Variants in EBF1 observed in about 807,000 individuals in gnomAD.
EBF1 encodes transcription factor COE1.
Under a neutral mutation model 68.4 loss-of-function variants are expected in EBF1, and 10 were observed. The observed-to-expected ratio is 0.15, with a 90% CI of 0.09 to 0.25. EBF1 has a LOEUF of 0.25. Among genes scored for constraint, EBF1 ranks in the 10% least tolerant of loss-of-function variants. EBF1 has a pLI of 1.00. For synonymous variants in EBF1, 298 were observed against 299.8 expected, an observed-to-expected ratio of 0.99 and a Z score of 0.06; for missense variants, 509 against 794.4, an observed-to-expected ratio of 0.64 and a Z score of 4.32.
At chr5:158,968,087 T>C (rs538294337) in intron 6 of EBF1, among the ~76,000 whole-genome samples, 1 of 151,966 alleles carries the variant, frequency 6.6e-6, no homozygotes, top group South Asian at 2.1e-4. Context: ...CTACAAATAA[T>C]TGCAAAAAAA....
intron 6 of EBF1, among the ~76,000 whole-genome samples, chr5:159,047,526 G>A (rs1772665030): frequency 6.6e-6 from 1 of 152,126 alleles, no homozygotes; most frequent in African/African-American, 2.4e-5. Flanking sequence ...ACAGAGATGG[G>A]GGAGGGGCAA....
intron 1 of EBF1, among the ~76,000 whole-genome samples, 158 bp from the exon 2 acceptor site, chr5:159,097,288 C>T (rs1451214217): frequency 6.6e-6 from 1 of 152,274 alleles, no homozygotes; most frequent in East Asian, 1.9e-4. Flanking sequence ...ATAGACCCAG[C>T]TGACAACGGG....
At chr5:159,015,824 G>A (rs1036783252) in intron 6 of EBF1, among the ~76,000 whole-genome samples, 3 of 152,120 alleles carry the variant, frequency 2.0e-5, no homozygotes, top group African/African-American at 7.2e-5. Flanking sequence ...CACAAAGTCG[G>A]GTCCTAGACT....
intron 6 of EBF1, among the ~76,000 whole-genome samples, chr5:158,855,102 C>G (rs1233759344): frequency 6.6e-6 from 1 of 152,146 alleles, no homozygotes; most frequent in Non-Finnish European, 1.5e-5. Context: ...ATTTCCCCTG[C>G]AGCGAGTTAA....
chr5:158,998,894 G>A (rs894215179), intron 6 of EBF1, among the ~76,000 whole-genome samples: 5 of 152,034 alleles, frequency 3.3e-5, no homozygotes, highest in Non-Finnish European at 5.9e-5. Flanking sequence ...GCCGGATCGC[G>A]ATGTATATTA....
intron 8 of EBF1, among the ~76,000 whole-genome samples, chr5:158,810,452 C>T (rs1782443903): frequency 6.6e-6 from 1 of 152,146 alleles, no homozygotes; most frequent in African/African-American, 2.4e-5. Flanking sequence ...TCATATTCAA[C>T]ATTTGCACTA....
chr5:158,773,021 T>C (rs886566076), intron 10 of EBF1, among the ~76,000 whole-genome samples: 1 of 152,104 alleles, frequency 6.6e-6, no homozygotes, highest in African/African-American at 2.4e-5. Flanking sequence ...ATTCAATCTA[T>C]ATCCATCATC....
At chr5:158,785,321 T>C (rs1308786684) in intron 9 of EBF1, among the ~76,000 whole-genome samples, 1 of 152,206 alleles carries the variant, frequency 6.6e-6, no homozygotes, top group Non-Finnish European at 1.5e-5. Context: ...ATATATTATT[T>C]TCAGGGTTGC....
chr5:158,969,910 AAG>A (rs1755204793), intron 6 of EBF1, among the ~76,000 whole-genome samples: 2 of 107,308 alleles, frequency 1.9e-5, no homozygotes, highest in Non-Finnish European at 4.1e-5. Flanking sequence ...GAAAGAAAGA[AAG>A]AAAGAAAAAA....
At chr5:158,767,689 G>C (rs1773039297) in intron 10 of EBF1, among the ~76,000 whole-genome samples, 1 of 151,918 alleles carries the variant, frequency 6.6e-6, no homozygotes, top group Non-Finnish European at 1.5e-5. Context: ...AGAAAAGATA[G>C]AGTTAGGGTG....
rs908967312 is a variant in EBF1 at position 158,712,031 on chromosome 5, G to A, written c.1549+123C>T. 1.3e-5 allele frequency: 15 copies of A among 1,168,644 alleles called. No individual in the cohort carries two copies. In the African/African-American group the frequency reaches 1.7e-4, roughly 13 times the overall value. The allele number at this position is 1,168,644 out of a possible 1,614,324, so 72.4% of individuals were successfully genotyped here. On this transcript the variant is annotated intron_variant, in intron 14 of 15. Coordinates refer to ENST00000313708, the MANE Select transcript of EBF1 (RefSeq NM_024007.5). The stretch of plus-strand genomic sequence containing the variant: ...CTTTAGCACCATCACCCAGGGGAGT[G>A]CCTTACAGGAGGGAAAGATGGGGGG...
In EBF1 at chr5:158,997,895, T is replaced by C. The variant is rs201019200; in HGVS notation, c.554+75501A>G. Among the ~76,000 whole-genome samples, 6 of 152,292 alleles carry C rather than the reference T, an allele frequency of 3.9e-5. No homozygotes were observed. In the East Asian group the frequency reaches 1.2e-3, roughly 29 times the overall value. On this transcript the variant is annotated intron_variant, in intron 6 of 15. Transcript: ENST00000313708. ...TTGCATTCAACAGGAATTTACCAGA[T>C]ACCCACTATGTGCCCCCTCAAGGAA... is the stretch of plus-strand genomic sequence containing the variant.
chr5:159,023,211 T>C (rs904724039), intron 6 of EBF1, among the ~76,000 whole-genome samples: 2 of 150,874 alleles, frequency 1.3e-5, no homozygotes, highest in Non-Finnish European at 2.9e-5. Context: ...AAAAGCTAAG[T>C]TTGTGAGACT....
chr5:158,921,709 C>A (rs1188033143), intron 6 of EBF1, among the ~76,000 whole-genome samples: 1 of 152,116 alleles, frequency 6.6e-6, no homozygotes, highest in Non-Finnish European at 1.5e-5. Flanking sequence ...CTTGTTTTGG[C>A]GGTTTGTGGT....
chr5:158,980,019 G>A (rs1248444874), intron 6 of EBF1, among the ~76,000 whole-genome samples: 1 of 152,062 alleles, frequency 6.6e-6, no homozygotes, highest in African/African-American at 2.4e-5. Context: ...GTTCTTCTCC[G>A]TTGGTATTTT....
chr5:158,751,076 A>G (rs1768778713), intron 10 of EBF1, among the ~76,000 whole-genome samples: 1 of 152,192 alleles, frequency 6.6e-6, no homozygotes. Context: ...GTGTAAACAC[A>G]TATACAGTAT....
chr5:158,817,562 C>T (rs1465625105), intron 8 of EBF1, among the ~76,000 whole-genome samples: 2 of 152,080 alleles, frequency 1.3e-5, no homozygotes, highest in East Asian at 1.9e-4. Context: ...CCTCCAGAAC[C>T]GTAAGACATA....
At chr5:159,093,822 A>G (rs1782063996) in intron 4 of EBF1, among the ~76,000 whole-genome samples, 1 of 152,012 alleles carries the variant, frequency 6.6e-6, no homozygotes, top group South Asian at 2.1e-4. Flanking sequence ...TGCTTCTTAC[A>G]ATTGTTCATT....
chr5:158,758,557 A>T (rs957201918), intron 10 of EBF1, among the ~76,000 whole-genome samples: 1 of 152,178 alleles, frequency 6.6e-6, no homozygotes, highest in African/African-American at 2.4e-5. Context: ...TTTTAAAAAA[A>T]CATATGAGCT....
Sources: gnomAD v4.1 joint callset for allele counts (sites outside exome capture counted in the v4.1 genomes callset) on GRCh38, gnomAD v4.1.1 for gene constraint, MANE v1.5 for transcripts, NCBI Gene and HGNC (gene_info 2026-07-23, HGNC 2026-07-21) for gene names.